PRKG1: variants seen among roughly 807,000 people sequenced by gnomAD.
The protein encoded by PRKG1 is protein kinase cGMP-dependent 1.
In PRKG1, 35 loss-of-function variants were observed where a neutral mutation model predicts 88.1. The ratio of observed to expected loss-of-function variants is 0.40; its 90% CI spans 0.30 to 0.53. The LOEUF is 0.53. Among genes scored for constraint, PRKG1 ranks in the 20% least tolerant of loss-of-function variants. PRKG1 has a pLI of 0.59. For synonymous variants in PRKG1, 303 were observed against 292.5 expected (o/e 1.04, Z -0.37); for missense variants, 540 against 839.8 (o/e 0.64, Z 4.41).
At chr10:51,034,024 G>A (rs2132749532) in intron 1 of PRKG1, among the ~76,000 whole-genome samples, 1 of 152,226 alleles carries the variant, frequency 6.6e-6, no homozygotes, top group East Asian at 1.9e-4. Flanking sequence ...GCCTCTAGAT[G>A]ATTAGAATTC....
At chr10:51,067,244 GTGTT>G (rs1843762712) in intron 1 of PRKG1, among the ~76,000 whole-genome samples, 1 of 135,968 alleles carries the variant, frequency 7.4e-6, no homozygotes, top group South Asian at 2.5e-4. Context: ...TTAATTATCT[GTGTT>G]TGTGTGTTTG....
At chr10:52,061,993 A>G (rs893568300) in intron 6 of PRKG1, among the ~76,000 whole-genome samples, 1 of 152,154 alleles carries the variant, frequency 6.6e-6, no homozygotes, top group African/African-American at 2.4e-5. Flanking sequence ...TTGAAACAAT[A>G]TAATTGCCAA....
chr10:52,165,883 A>G (rs1367153953), intron 9 of PRKG1, among the ~76,000 whole-genome samples: 1 of 152,240 alleles, frequency 6.6e-6, no homozygotes, highest in East Asian at 1.9e-4. Context: ...TCAGGTAGAT[A>G]GTCTAGGAAG....
intron 7 of PRKG1, among the ~76,000 whole-genome samples, chr10:52,078,249 T>C (rs1398553475): frequency 6.6e-6 from 1 of 152,202 alleles, no homozygotes; most frequent in East Asian, 1.9e-4. Context: ...CAAACACAAA[T>C]AGTCAAGAAT....
intron 4 of PRKG1, among the ~76,000 whole-genome samples, chr10:51,873,811 G>A (rs1841221633): frequency 6.6e-6 from 1 of 152,146 alleles, no homozygotes; most frequent in Non-Finnish European, 1.5e-5. Context: ...TTACAGGCGT[G>A]AGCCACCATG....
intron 3 of PRKG1, among the ~76,000 whole-genome samples, chr10:51,527,462 G>C (rs370716252): frequency 2.0e-5 from 3 of 152,034 alleles, no homozygotes; most frequent in East Asian, 3.9e-4. Context: ...GAGCTGAGCT[G>C]GATTTTGAAG....
intron 13 of PRKG1, 69 bp from the exon 14 acceptor site, chr10:52,282,084 C>T: frequency 7.2e-7 from 1 of 1,383,562 alleles, no homozygotes. Context: ...CAGTGTGCTT[C>T]AAAATAACTT....
chr10:51,029,112 G>A (rs528563751), intron 1 of PRKG1, among the ~76,000 whole-genome samples: 1 of 152,190 alleles, frequency 6.6e-6, no homozygotes, highest in South Asian at 2.1e-4. Context: ...GCAGTGTAAG[G>A]TTACAAAAAG....
At chr10:51,247,617 A>G (rs539261961) in intron 2 of PRKG1, among the ~76,000 whole-genome samples, 4 of 152,096 alleles carry the variant, frequency 2.6e-5, no homozygotes, top group Middle Eastern at 3.4e-3. Context: ...TAACTTGTTT[A>G]TTCCCAAATC....
At chr10:51,967,567 A>G (rs1564732240) in intron 5 of PRKG1, among the ~76,000 whole-genome samples, 1 of 149,986 alleles carries the variant, frequency 6.7e-6, no homozygotes, top group African/African-American at 2.5e-5. Context: ...AAAAAAAAAA[A>G]AGATTGTTTT....
At chr10:51,791,440 C>T (rs887119998) in intron 3 of PRKG1, among the ~76,000 whole-genome samples, 4 of 152,102 alleles carry the variant, frequency 2.6e-5, no homozygotes, top group African/African-American at 9.7e-5. Flanking sequence ...ATAAACCCAT[C>T]AAATACTTTA....
At position 51,218,504 on chromosome 10, in the gene PRKG1, TATATATATATATATATATATATATATAA is replaced by T. The variant is rs898792770; in HGVS notation, c.478+65176_478+65203del. On this transcript the variant is annotated intron_variant, in intron 2 of 17. Transcript: ENST00000373980. The stretch of plus-strand genomic sequence containing the variant: ...TCATCTATCTTCATATATATATATA[TATATATATATATATATATATATATATAA>T]AATGTGTGTATTTGGCATTTATATA... Among the ~76,000 whole-genome samples the T allele has an allele frequency of 3.5e-4, 39 of 111,508 alleles. 1 individual carries two copies. Among genetic ancestry groups the T allele is most frequent in the South Asian group, 1.4e-3 (5 of 3,496 alleles). The allele number at this position is 111,508 out of a possible 152,430, so 73.2% of individuals were successfully genotyped here.
chr10:51,506,161 G>A (rs1841196640), intron 3 of PRKG1, among the ~76,000 whole-genome samples: 1 of 152,060 alleles, frequency 6.6e-6, no homozygotes, highest in South Asian at 2.1e-4. Flanking sequence ...AATTCAAGAT[G>A]GATTAAAGAC....
intron 2 of PRKG1, among the ~76,000 whole-genome samples, chr10:51,248,053 C>T (rs1313111399): frequency 6.6e-6 from 1 of 151,768 alleles, no homozygotes; most frequent in African/African-American, 2.4e-5. Context: ...AAACAACAAT[C>T]GTAAAAGGGA....
chr10:51,569,454 G>C (rs1041958405), intron 3 of PRKG1, among the ~76,000 whole-genome samples: 1 of 151,978 alleles, frequency 6.6e-6, no homozygotes, highest in South Asian at 2.1e-4. Flanking sequence ...TCTGTGCCAG[G>C]TTAAATAATG....
intron 3 of PRKG1, among the ~76,000 whole-genome samples, chr10:51,623,703 T>C (rs932904917): frequency 6.6e-6 from 1 of 152,180 alleles, no homozygotes; most frequent in Non-Finnish European, 1.5e-5. Flanking sequence ...AGTAGACAAG[T>C]GGAAACATTT....
intron 5 of PRKG1, among the ~76,000 whole-genome samples, chr10:51,947,868 G>A (rs928664604): frequency 4.6e-5 from 7 of 152,126 alleles, no homozygotes; most frequent in African/African-American, 1.7e-4. Flanking sequence ...TGACCAGGAA[G>A]TCAGGAGATG....
intron 2 of PRKG1, among the ~76,000 whole-genome samples, chr10:51,189,274 T>A (rs1432002462): frequency 6.6e-6 from 1 of 151,946 alleles, no homozygotes; most frequent in Non-Finnish European, 1.5e-5. Flanking sequence ...AAATAACTTC[T>A]TGCTCTTGAA....
chr10:51,078,385 A>ATTTTT (rs34894735), intron 1 of PRKG1, among the ~76,000 whole-genome samples: 1 of 85,740 alleles, frequency 1.2e-5, no homozygotes, highest in Admixed American at 1.3e-4. Flanking sequence ...ATGCCTGGCT[A>ATTTTT]TTTTTTTTTT....
Sources: allele counts gnomAD v4.1 joint callset (sites outside exome capture counted in the v4.1 genomes callset), GRCh38; gene constraint gnomAD v4.1.1; transcripts MANE v1.5; gene names NCBI Gene and HGNC (gene_info 2026-07-23, HGNC 2026-07-21).